Variants in LYRM4 observed in about 807,000 individuals in gnomAD.
LYRM4 encodes LYR motif containing 4.
Under a neutral mutation model 11.7 loss-of-function variants are expected in LYRM4, and 9 were observed. The ratio of observed to expected loss-of-function variants is 0.77; its 90% confidence interval spans 0.46 to 1.34. The LOEUF (loss-of-function observed/expected upper bound fraction) is 1.34. LYRM4 is among the 40% of genes most tolerant of loss of function. The pLI is 0.00. For synonymous variants in LYRM4, 42 were observed against 40.4 expected (o/e 1.04, Z -0.15); for missense variants, 133 against 112.5 (o/e 1.18, Z -0.82).
chr6:5,218,190 C>T (rs1211510172), intron 1 of LYRM4: 55 of 918,478 alleles, frequency 6.0e-5, no homozygotes, highest in Non-Finnish European at 6.8e-5. Flanking sequence ...TACAAGCACA[C>T]ACCACAGTGC....
chr6:5,163,098 T>C (rs1257887551), intron 2 of LYRM4, among the ~76,000 whole-genome samples: 1 of 152,198 alleles, frequency 6.6e-6, no homozygotes, highest in Non-Finnish European at 1.5e-5. Flanking sequence ...AATGTATTAA[T>C]TTTTTCCTTT....
chr6:5,046,841 A>G, the LYRM4 span, among the ~76,000 whole-genome samples: 1 of 152,174 alleles, frequency 6.6e-6, no homozygotes, highest in Non-Finnish European at 1.5e-5. Context: ...TGTAACGCCA[A>G]CACTTTGGGA....
chr6:5,126,190 A>G (rs1763692825), intron 2 of LYRM4, among the ~76,000 whole-genome samples: 1 of 152,118 alleles, frequency 6.6e-6, no homozygotes, highest in Non-Finnish European at 1.5e-5. Flanking sequence ...CAGAACAATG[A>G]CTCTTCCAGA....
At chr6:5,252,608 G>A (rs1418357405) in intron 1 of LYRM4, among the ~76,000 whole-genome samples, 1 of 152,118 alleles carries the variant, frequency 6.6e-6, no homozygotes, top group Non-Finnish European at 1.5e-5. Context: ...TCTCTCTGCT[G>A]TCTTTTCACT....
chr6:5,087,323 A>G, the LYRM4 span: 1 of 152,334 alleles, frequency 6.6e-6, no homozygotes, highest in South Asian at 2.1e-4. Context: ...AACAATCCTT[A>G]AACAACAGCC....
chr6:5,237,440 T>A (rs1561892744), intron 1 of LYRM4, among the ~76,000 whole-genome samples: 1 of 151,686 alleles, frequency 6.6e-6, no homozygotes, highest in Non-Finnish European at 1.5e-5. Flanking sequence ...TCCCACTGAT[T>A]CTATATTATG....
chr6:5,187,695 T>C (rs1387688479), intron 2 of LYRM4, among the ~76,000 whole-genome samples: 2 of 152,208 alleles, frequency 1.3e-5, no homozygotes, highest in Non-Finnish European at 2.9e-5. Flanking sequence ...ACAGCACATG[T>C]ATACCTATGT....
At chr6:5,153,110 T>G (rs1758188751) in intron 2 of LYRM4, among the ~76,000 whole-genome samples, 1 of 152,172 alleles carries the variant, frequency 6.6e-6, no homozygotes, top group South Asian at 2.1e-4. Flanking sequence ...ATTATTTTTT[T>G]TGTGTGAGAG....
intron 1 of LYRM4, among the ~76,000 whole-genome samples, chr6:5,230,489 A>C (rs1196432800): frequency 6.6e-6 from 1 of 152,190 alleles, no homozygotes; most frequent in East Asian, 1.9e-4. Flanking sequence ...AGCTTCCATC[A>C]GGTATTAGGA....
At chr6:5,186,433 TG>T in intron 2 of LYRM4, among the ~76,000 whole-genome samples, 1 of 152,346 alleles carries the variant, frequency 6.6e-6, no homozygotes, top group South Asian at 2.1e-4. Flanking sequence ...TCTGGTGTGT[TG>T]GACTAAGACA....
chr6:5,109,061 G>A lies in LYRM4; in HGVS notation c.*362C>T, dbSNP rs576996543. The A allele has an allele frequency of 1.4e-5, 14 of 1,030,742 alleles. No homozygotes were observed. In the Admixed American group the frequency reaches 6.8e-4, roughly 50 times the overall value. The allele number at this position is 1,030,742 out of a possible 1,614,324, so 63.8% of individuals were successfully genotyped here. On this transcript the variant is annotated 3_prime_UTR_variant, in exon 3 of 3. Coordinates refer to ENST00000330636, the MANE Select transcript of LYRM4 (RefSeq NM_020408.6). ...GCATTAATTGGGAGGGGTTTATCTG[G>A]GGTCAAAGGCTCAGGGAGATCATTC... is the stretch of plus-strand genomic sequence containing the variant.
intron 2 of LYRM4, among the ~76,000 whole-genome samples, chr6:5,127,024 A>G (rs892171896): frequency 2.0e-5 from 3 of 152,208 alleles, no homozygotes; most frequent in Non-Finnish European, 4.4e-5. Flanking sequence ...ATCTTGGCTC[A>G]CTGCAACCTC....
intron 2 of LYRM4, among the ~76,000 whole-genome samples, chr6:5,147,779 A>G (rs175596): frequency 0.8 from 121,905 of 152,134 alleles, 49,025 homozygotes; most frequent in East Asian, 0.92. Context: ...GGTCCACGGC[A>G]GGGTGAATTA....
intron 2 of LYRM4, among the ~76,000 whole-genome samples, chr6:5,198,444 A>G (rs568688623): frequency 6.6e-6 from 1 of 152,322 alleles, no homozygotes; most frequent in Admixed American, 6.5e-5. Context: ...TGATGTTAAA[A>G]AAATCAACCT....
chr6:5,085,399 C>T, the LYRM4 span: 1 of 986,776 alleles, frequency 1.0e-6, no homozygotes. Flanking sequence ...GAACTGCAGC[C>T]CTGCGCTCCT....
intron 2 of LYRM4, among the ~76,000 whole-genome samples, chr6:5,153,327 G>C (rs1375280524): frequency 1.3e-5 from 2 of 152,184 alleles, no homozygotes; most frequent in Admixed American, 1.3e-4. Flanking sequence ...CTGACCTCAA[G>C]TGACCCGCCC....
chr6:5,220,354 C>T (rs1762514574), intron 1 of LYRM4, among the ~76,000 whole-genome samples: 1 of 152,154 alleles, frequency 6.6e-6, no homozygotes, highest in Non-Finnish European at 1.5e-5. Flanking sequence ...TAATGTAATG[C>T]CTTTCATTTC....
At position 5,232,960 on chromosome 6, in the gene LYRM4, C is replaced by T. The variant is rs9504360; in HGVS notation, c.87-16222G>A. 2.7e-3 allele frequency among the ~76,000 whole-genome samples: 404 copies of T among 152,272 alleles called. 2 individuals are homozygous for T. The highest frequency in any genetic ancestry group is 9.4e-3 in the African/African-American group (391 of 41,546). On this transcript the variant is annotated intron_variant, in intron 1 of 2. Transcript: ENST00000330636. ...AACTGAGTTCCATCTTAACTACCTACTAAAAATTTAAAATTGTGCACCCTG... is the reference window on the plus strand; with the variant it reads ...AACTGAGTTCCATCTTAACTACCTATTAAAAATTTAAAATTGTGCACCCTG...
chr6:5,205,851 G>A (rs1027428290), intron 2 of LYRM4, among the ~76,000 whole-genome samples: 1 of 152,194 alleles, frequency 6.6e-6, no homozygotes, highest in Non-Finnish European at 1.5e-5. Context: ...TGTAGGAAAA[G>A]GCAGGTTCTC....
Sources: gnomAD v4.1 joint callset for allele counts (sites outside exome capture counted in the v4.1 genomes callset) on GRCh38, gnomAD v4.1.1 for gene constraint, MANE v1.5 for transcripts, NCBI Gene and HGNC (gene_info 2026-07-23, HGNC 2026-07-21) for gene names.